Variants in MTUS1 observed in about 807,000 individuals in gnomAD.
The protein encoded by MTUS1 is microtubule-associated tumor suppressor 1.
MTUS1 carries 109 observed loss-of-function variants against 120.8 expected under a neutral mutation model. The ratio of observed to expected loss-of-function variants is 0.90; its 90% confidence interval spans 0.77 to 1.06. The LOEUF is 1.06. Ranked by LOEUF, MTUS1 falls within the 50% of genes least tolerant of loss-of-function variation. The probability of loss-of-function intolerance (pLI) is 0.00; values close to 1 mark genes in which losing one functional copy is unlikely to be tolerated. For synonymous variants in MTUS1, 737 were observed against 550.5 expected, an observed-to-expected ratio of 1.34 and a Z score of -4.74; for missense variants, 2,210 against 1,486.3, an observed-to-expected ratio of 1.49 and a Z score of -8.01.
intron 6 of MTUS1, among the ~76,000 whole-genome samples, chr8:17,687,988 C>G (rs1180154136): frequency 6.6e-6 from 1 of 152,208 alleles, no homozygotes; most frequent in East Asian, 1.9e-4. Context: ...ACCATTAAGA[C>G]ATGGACTAAC....
intron 1 of MTUS1, among the ~76,000 whole-genome samples, chr8:17,763,013 A>T (rs1264730301): frequency 6.8e-6 from 1 of 147,862 alleles, no homozygotes; most frequent in African/African-American, 2.5e-5. Context: ...TTTTTTTGAG[A>T]CGAAGTCTTG....
intron 1 of MTUS1, among the ~76,000 whole-genome samples, chr8:17,784,502 C>T (rs2051139999): frequency 6.6e-6 from 1 of 152,118 alleles, no homozygotes; most frequent in South Asian, 2.1e-4. Flanking sequence ...ACCATATTGG[C>T]CAGGCTGGTT....
intron 8 of MTUS1, among the ~76,000 whole-genome samples, chr8:17,659,765 A>G (rs1019605407): frequency 2.0e-5 from 3 of 152,180 alleles, no homozygotes; most frequent in African/African-American, 7.2e-5. Flanking sequence ...TTTTAGGTGT[A>G]TGATTCAGTG....
intron 8 of MTUS1, among the ~76,000 whole-genome samples, chr8:17,663,393 G>T (rs565288184): frequency 6.6e-6 from 1 of 152,202 alleles, no homozygotes. Context: ...CTTTTGAAAT[G>T]ATACAGTGCT....
At chr8:17,680,145 T>C (rs574166228) in intron 7 of MTUS1, among the ~76,000 whole-genome samples, 13 of 152,010 alleles carry the variant, frequency 8.6e-5, no homozygotes, top group African/African-American at 2.9e-4. Context: ...AGAACGTAGA[T>C]CTAGAAGGCC....
At chr8:17,793,801 G>A (rs1196008708) in intron 1 of MTUS1, among the ~76,000 whole-genome samples, 1 of 152,126 alleles carries the variant, frequency 6.6e-6, no homozygotes, top group African/African-American at 2.4e-5. Flanking sequence ...CAACCTACGT[G>A]ACCAAACTTT....
At chr8:17,713,371 G>T in intron 5 of MTUS1, 119 bp from the exon 6 acceptor site, 1 of 654,078 alleles carries the variant, frequency 1.5e-6, no homozygotes, top group East Asian at 3.0e-5. Context: ...TCAGGTTCCC[G>T]GTGGGAAATA....
At chr8:17,666,146 C>T (rs937498509) in intron 8 of MTUS1, among the ~76,000 whole-genome samples, 14 of 132,106 alleles carry the variant, frequency 1.1e-4, no homozygotes, top group Non-Finnish European at 1.6e-4. Flanking sequence ...CGTGTATAAA[C>T]GAACACATTT....
At chr8:17,717,455 T>G (rs1380744516) in intron 4 of MTUS1, among the ~76,000 whole-genome samples, 1 of 152,202 alleles carries the variant, frequency 6.6e-6, no homozygotes, top group Admixed American at 6.5e-5. Context: ...CAAAGAAAAT[T>G]AGACAGTCTT....
At chr8:17,769,626 C>T (rs1431904630) in intron 1 of MTUS1, among the ~76,000 whole-genome samples, 1 of 152,028 alleles carries the variant, frequency 6.6e-6, no homozygotes, top group African/African-American at 2.4e-5. Flanking sequence ...GGATTACAGG[C>T]GTGAGCCACC....
At chr8:17,715,583 T>C (rs549879647) in intron 5 of MTUS1, among the ~76,000 whole-genome samples, 184 bp downstream of exon 5, 26 of 152,330 alleles carry the variant, frequency 1.7e-4, no homozygotes, top group African/African-American at 4.3e-4. Context: ...TTTTTAACTA[T>C]AGAACCTACC....
chr8:17,650,627 C>A (rs945462346), intron 12 of MTUS1, among the ~76,000 whole-genome samples: 25 of 152,142 alleles, frequency 1.6e-4, no homozygotes, highest in African/African-American at 5.8e-4. Flanking sequence ...GGAGGATCAA[C>A]TGAGCCAGGA....
At chr8:17,666,623 G>C (rs1014620439) in intron 8 of MTUS1, among the ~76,000 whole-genome samples, 2 of 152,098 alleles carry the variant, frequency 1.3e-5, no homozygotes, top group African/African-American at 4.8e-5. Context: ...TAAGGGAAAG[G>C]TTTTGCTTTA....
intron 3 of MTUS1, among the ~76,000 whole-genome samples, chr8:17,728,178 A>T (rs975361958): frequency 6.6e-6 from 1 of 152,182 alleles, no homozygotes; most frequent in Admixed American, 6.5e-5. Context: ...CAATGGGTAG[A>T]AAGTTCCAGT....
At chr8:17,733,393 A>G (rs2046724758) in intron 3 of MTUS1, among the ~76,000 whole-genome samples, 1 of 152,086 alleles carries the variant, frequency 6.6e-6, no homozygotes, top group Non-Finnish European at 1.5e-5. Context: ...TGTCTCCATT[A>G]TATACATAAA....
Position 17,684,415 on chromosome 8 carries a change from T to A in MTUS1, c.2751A>T (p.Gly917=). The A allele has an allele frequency of 6.2e-7, 1 of 1,614,188 alleles. No homozygotes were observed. Among genetic ancestry groups the A allele is most frequent in the Middle Eastern group, 1.6e-4 (1 of 6,062 alleles). ...GAAGCTGCTTGAGCTGCAGGATAAA[T>A]CCACTTTGGTTTTCACATTTTGTTT... is the stretch of plus-strand genomic sequence containing the variant. ...QYKTKCENQS[G]FILQLKQLLA... The change falls in exon 7 of 15, where the codon GGA becomes GGT. Residue 917 remains glycine, a synonymous_variant. Transcript: ENST00000693296.
chr8:17,670,991 G>T (rs1585561394), intron 8 of MTUS1, among the ~76,000 whole-genome samples: 1 of 152,042 alleles, frequency 6.6e-6, no homozygotes, highest in Non-Finnish European at 1.5e-5. Flanking sequence ...CTAGGGGGAG[G>T]GGTGTTCCAC....
chr8:17,645,826 G>A lies in MTUS1; in HGVS notation c.*100C>T, dbSNP rs879165993. The A allele has an allele frequency of 6.1e-5, 89 of 1,459,962 alleles. No homozygotes were observed. In the South Asian group the frequency reaches 1.2e-3, roughly 19 times the overall value. The allele number at this position is 1,459,962 out of a possible 1,614,324, so 90.4% of individuals were successfully genotyped here. A position where few individuals can be genotyped will look rare whatever the true frequency, so the allele number is the denominator to read the frequency against. On this transcript the variant is annotated 3_prime_UTR_variant, in exon 15 of 15. Coordinates refer to ENST00000693296, the MANE Select transcript of MTUS1 (RefSeq NM_001363059.2). ...TCCAGTTACCCTACGGTGATCACACGTGTGCTGATATACCTCTTGTGCCCA... is the reference window on the plus strand; with the variant it reads ...TCCAGTTACCCTACGGTGATCACACATGTGCTGATATACCTCTTGTGCCCA...
chr8:17,652,849 GAA>G (rs893099326), intron 12 of MTUS1, among the ~76,000 whole-genome samples: 18 of 148,970 alleles, frequency 1.2e-4, no homozygotes, highest in African/African-American at 3.5e-4. Context: ...AAAAAAAAAA[GAA>G]AGAGTGAACT....
Sources: allele counts gnomAD v4.1 joint callset (sites outside exome capture counted in the v4.1 genomes callset), GRCh38; gene constraint gnomAD v4.1.1; transcripts MANE v1.5; gene names NCBI Gene and HGNC (gene_info 2026-07-23, HGNC 2026-07-21).